Variants in CSNK1D observed in about 807,000 individuals in gnomAD.
CSNK1D encodes casein kinase 1 delta.
A neutral mutation model predicts 46.6 loss-of-function variants in CSNK1D; 16 were observed. That is an observed-to-expected ratio of 0.34 (90% CI 0.23 to 0.52). The LOEUF is 0.52. CSNK1D is among the 20% of genes least tolerant of loss of function. CSNK1D has a pLI of 0.95. For missense variants in CSNK1D, 398 were observed against 578.4 expected (o/e 0.69, Z 3.20); for synonymous variants, 276 against 228.2 (o/e 1.21, Z -1.89).
downstream of CSNK1D, among the ~76,000 whole-genome samples, chr17:82,240,312 G>A (rs575584676): frequency 5.3e-5 from 8 of 152,340 alleles, no homozygotes; most frequent in African/African-American, 1.9e-4. Flanking sequence ...CAGCTGAAGG[G>A]AGAAAGACGA....
In CSNK1D at chr17:82,248,356, T is replaced by C; in HGVS notation, c.1197+519A>G. 1.0e-6 allele frequency: 1 copy of C among 997,922 alleles called. No individual in the cohort carries two copies. The highest frequency in any genetic ancestry group is 1.2e-6 in the Non-Finnish European group (1 of 836,824). The allele number at this position is 997,922 out of a possible 1,614,324, so 61.8% of individuals were successfully genotyped here. A position where few individuals can be genotyped will look rare whatever the true frequency, so the allele number is the denominator to read the frequency against. On this transcript the variant is annotated intron_variant, in intron 8 of 8. Transcript: ENST00000314028. This position sits in a 1 kb window ranked among gnomAD's most constrained non-coding sequence, Gnocchi z 4.1. ...CCTGGGCTGCGCAACAGGGTACTTC[T>C]CGTCCAAGGGAAGACAGGTGAGGCC...
intron 1 of CSNK1D, chr17:82,266,660 T>C (rs964079031): frequency 6.6e-6 from 1 of 152,664 alleles, no homozygotes; most frequent in African/African-American, 2.4e-5. Flanking sequence ...CCAAATCCAC[T>C]GCATGAGGCA....
At chr17:82,264,431 C>T (rs1425216249) in intron 2 of CSNK1D, among the ~76,000 whole-genome samples, 1 of 152,212 alleles carries the variant, frequency 6.6e-6, no homozygotes, top group Non-Finnish European at 1.5e-5. Flanking sequence ...CCAGGGAACT[C>T]GCAAGAGCTG....
intron 3 of CSNK1D, 120 bp from the exon 4 acceptor site, chr17:82,253,364 G>T: frequency 1.1e-6 from 1 of 880,234 alleles, no homozygotes; most frequent in Non-Finnish European, 1.9e-6. Context: ...CAGCAGGGTA[G>T]TTTAACAATT....
chr17:82,240,587 T>TC (rs1239371905), downstream of CSNK1D, among the ~76,000 whole-genome samples: 2 of 152,024 alleles, frequency 1.3e-5, no homozygotes, highest in Non-Finnish European at 2.9e-5. Context: ...GCCCTCACCC[T>TC]CCCCTAGGCA....
chr17:82,248,571 G>A lies in CSNK1D; in HGVS notation c.1197+304C>T, dbSNP rs143695134. ...CGAGCGGTGTCAGCTGCCTGGGGACGGCTGCGGGCAGCGGGGCACTCAAAC... is the reference window on the plus strand; with the variant it reads ...CGAGCGGTGTCAGCTGCCTGGGGACAGCTGCGGGCAGCGGGGCACTCAAAC... On this transcript the variant is annotated intron_variant, in intron 8 of 8. Coordinates refer to ENST00000314028, the MANE Select transcript of CSNK1D (RefSeq NM_001893.6). The surrounding 1 kb of genome is among the most constrained non-coding windows in gnomAD (Gnocchi z 4.1). 4.9e-3 allele frequency: 6,003 copies of A among 1,222,296 alleles called. 23 individuals carry two copies. Among genetic ancestry groups the A allele is most frequent in the Non-Finnish European group, 5.7e-3 (5,495 of 969,868 alleles). 75.7% of individuals were successfully genotyped at this position (1,222,296 alleles called of 1,614,324 possible).
chr17:82,255,210 A>G lies in CSNK1D; in HGVS notation c.336+219T>C, dbSNP rs552970227. 8.1e-6 allele frequency: 5 copies of G among 613,962 alleles called. No homozygotes were observed. The South Asian group carries it at 8.9e-5, about 11-fold the overall frequency. The allele number at this position is 613,962 out of a possible 1,614,324, so 38.0% of individuals were successfully genotyped here. ...TGGGCCGCCGGAGCCTCGAGAAGCC[A>G]GTGAGCTGGGCCGCCGGAGCCTCGA... On this transcript the variant is annotated intron_variant, in intron 3 of 8. Coordinates refer to ENST00000314028, the MANE Select transcript of CSNK1D (RefSeq NM_001893.6). The surrounding 1 kb of genome is among the most constrained non-coding windows in gnomAD (Gnocchi z 5.9).
intron 2 of CSNK1D, among the ~76,000 whole-genome samples, chr17:82,259,779 G>T (rs1179581173): frequency 2.6e-5 from 4 of 152,238 alleles, no homozygotes; most frequent in Admixed American, 6.5e-5. Flanking sequence ...CGATGGGGAA[G>T]AATCTCAGGA....
chr17:82,261,939 G>A (rs2051351762), intron 2 of CSNK1D, among the ~76,000 whole-genome samples: 1 of 152,156 alleles, frequency 6.6e-6, no homozygotes. Flanking sequence ...TTGACGAAAA[G>A]CAGCTGTGAA....
chr17:82,244,665 A>T lies in CSNK1D; in HGVS notation c.*116T>A. ...GCGTCGCTGGGTGAGTGGCCTGGAG[A>T]GCTCCCGGTGTTAACATTTCGATCC... On this transcript the variant is annotated 3_prime_UTR_variant, in exon 9 of 9. Coordinates refer to ENST00000314028, the MANE Select transcript of CSNK1D (RefSeq NM_001893.6). The T allele has an allele frequency of 6.4e-7, 1 of 1,574,428 alleles. No individual in the cohort carries two copies. The highest frequency in any genetic ancestry group is 8.6e-7 in the Non-Finnish European group (1 of 1,165,266).
In CSNK1D at chr17:82,252,098, G is replaced by A. The variant is rs781734040; in HGVS notation, c.736+336C>T. ...GAAATCTCCCGAGCTCCTGGAGGGG[G>A]CCAGAGAGGGCAGCCACTGCAGAGA... is the stretch of plus-strand genomic sequence containing the variant. On this transcript the variant is annotated intron_variant, in intron 5 of 8. Coordinates refer to ENST00000314028, the MANE Select transcript of CSNK1D (RefSeq NM_001893.6). This position sits in a 1 kb window ranked among gnomAD's most constrained non-coding sequence, Gnocchi z 4.6. Among the ~76,000 whole-genome samples, 41 of 152,212 alleles carry A rather than the reference G, an allele frequency of 2.7e-4. No individual in the cohort carries two copies. The highest frequency in any genetic ancestry group is 5.3e-4 in the Non-Finnish European group (36 of 68,036).
chr17:82,254,108 G>A (rs1465306715), intron 3 of CSNK1D: 14 of 213,434 alleles, frequency 6.6e-5, no homozygotes, highest in South Asian at 7.4e-5. Flanking sequence ...GCCTCGAGAC[G>A]CCAGTGAGCT....
chr17:82,262,881 T>C (rs572811172), intron 2 of CSNK1D, among the ~76,000 whole-genome samples: 25 of 152,370 alleles, frequency 1.6e-4, no homozygotes, highest in African/African-American at 4.3e-4. Context: ...TGCAGATCTT[T>C]AGATCTTTAC....
chr17:82,249,317 C>T lies in CSNK1D; in HGVS notation c.1057+114G>A. ...CATCCACCCTCAGGAGCGAGCATCG[C>T]CTGACACAGGGCACTTAGTGTCCAC... On this transcript the variant is annotated intron_variant, in intron 7 of 8. Coordinates refer to ENST00000314028, the MANE Select transcript of CSNK1D (RefSeq NM_001893.6). This position sits in a 1 kb window ranked among gnomAD's most constrained non-coding sequence, Gnocchi z 6.7. 1 of 1,169,150 alleles carries T rather than the reference C, an allele frequency of 8.6e-7. No individual in the cohort carries two copies. 72.4% of individuals were successfully genotyped at this position (1,169,150 alleles called of 1,614,324 possible). A position where few individuals can be genotyped will look rare whatever the true frequency, so the allele number is the denominator to read the frequency against.
In CSNK1D at chr17:82,248,861, A is replaced by T. The variant is rs1452840503; in HGVS notation, c.1197+14T>A. On this transcript the variant is annotated intron_variant, in intron 8 of 8. Transcript: ENST00000314028. This position sits in a 1 kb window ranked among gnomAD's most constrained non-coding sequence, Gnocchi z 4.1. Reference sequence around the variant, plus strand: ...GCCCGAGGCCCAGCGCCCGCCCGGGAGCTCTGCACCTACCTGTGAGGTGGA... The same window carrying T: ...GCCCGAGGCCCAGCGCCCGCCCGGGTGCTCTGCACCTACCTGTGAGGTGGA... 7 of 1,606,926 alleles carry T rather than the reference A, an allele frequency of 4.4e-6. No individual in the cohort carries two copies. The African/African-American group carries it at 9.4e-5, about 21-fold the overall frequency.
chr17:82,273,260 C>G lies in CSNK1D; in HGVS notation c.76+46G>C. On this transcript the variant is annotated intron_variant, in intron 1 of 8. Transcript: ENST00000314028. This position sits in a 1 kb window ranked among gnomAD's most constrained non-coding sequence, Gnocchi z 5.1. ...CGATCGCGCTTGGTCTTGGCAGCCG[C>G]AGGGCCCGGGTCTTCGGGCGGCGGG... 3 of 1,567,298 alleles carry G rather than the reference C, an allele frequency of 1.9e-6. No homozygotes were observed. Among genetic ancestry groups the G allele is most frequent in the East Asian group, 2.3e-5 (1 of 43,844 alleles).
At chr17:82,263,196 A>C (rs983932079) in intron 2 of CSNK1D, among the ~76,000 whole-genome samples, 2 of 152,152 alleles carry the variant, frequency 1.3e-5, no homozygotes, top group Admixed American at 1.3e-4. Flanking sequence ...AAAACAAAAA[A>C]CAAAAAACAA....
downstream of CSNK1D, among the ~76,000 whole-genome samples, chr17:82,240,993 G>A (rs1423990346): frequency 2.0e-5 from 3 of 152,180 alleles, no homozygotes; most frequent in African/African-American, 7.2e-5. Flanking sequence ...CAGAGGTCTG[G>A]TGCGTGGGCT....
In CSNK1D at chr17:82,250,452, T is replaced by C. The variant is rs370795074; in HGVS notation, c.886-850A>G. ...TAATGCCGCAGGAGGGTCGCTCTGATTCCTCCCGAGGCAGCACAGCCCCGG... is the reference window on the plus strand; with the variant it reads ...TAATGCCGCAGGAGGGTCGCTCTGACTCCTCCCGAGGCAGCACAGCCCCGG... On this transcript the variant is annotated intron_variant, in intron 6 of 8. Transcript: ENST00000314028. The surrounding 1 kb of genome is among the most constrained non-coding windows in gnomAD (Gnocchi z 4.6). 2 of 334,398 alleles carry C rather than the reference T, an allele frequency of 6.0e-6. No individual in the cohort carries two copies. The highest frequency in any genetic ancestry group is 6.0e-6 in the Non-Finnish European group (1 of 167,530). The allele number at this position is 334,398 out of a possible 1,614,324, so 20.7% of individuals were successfully genotyped here. A position where few individuals can be genotyped will look rare whatever the true frequency, so the allele number is the denominator to read the frequency against.
Sources: allele counts gnomAD v4.1 joint callset (sites outside exome capture counted in the v4.1 genomes callset), GRCh38; gene constraint gnomAD v4.1.1; non-coding constraint Gnocchi (gnomAD v3.1); transcripts MANE v1.5; gene names NCBI Gene and HGNC (gene_info 2026-07-23, HGNC 2026-07-21).